Variants in KAZN observed in about 807,000 individuals in gnomAD.
KAZN encodes kazrin, periplakin interacting protein.
In KAZN, 40 loss-of-function variants were observed where a neutral mutation model predicts 87.4. That is an observed-to-expected ratio of 0.46 (90% CI 0.36 to 0.60). KAZN has a LOEUF of 0.60. Ranked by LOEUF, KAZN falls within the 20% of genes least tolerant of loss-of-function variation. The pLI is 0.00. For synonymous variants in KAZN, 466 were observed against 458.3 expected, an observed-to-expected ratio of 1.02 and a Z score of -0.22; for missense variants, 898 against 1,073.9, an observed-to-expected ratio of 0.84 and a Z score of 2.29.
intron 2 of KAZN, among the ~76,000 whole-genome samples, chr1:14,969,789 T>C (rs548590889): frequency 6.6e-6 from 1 of 152,336 alleles, no homozygotes; most frequent in South Asian, 2.1e-4. Context: ...CATGCCCTAA[T>C]GCACAAGTAC....
intron 2 of KAZN, among the ~76,000 whole-genome samples, chr1:14,986,328 A>T (rs150610213): frequency 1.4e-4 from 21 of 152,260 alleles, no homozygotes; most frequent in African/African-American, 4.8e-4. Flanking sequence ...CTGGCAGTTT[A>T]ACAGCCTCGC....
intron 1 of KAZN, chr1:14,924,546 G>C: frequency 9.9e-7 from 1 of 1,011,922 alleles, no homozygotes; most frequent in Non-Finnish European, 1.2e-6. Flanking sequence ...CCCCGGGTCC[G>C]AGCGGATGGC....
chr1:15,044,231 C>A, intron 4 of KAZN, 72 bp downstream of exon 4: 2 of 1,291,674 alleles, frequency 1.5e-6, no homozygotes, highest in Non-Finnish European at 2.1e-6. Flanking sequence ...GGACGTCTGG[C>A]ACCGACTCAC....
chr1:14,435,824 T>C (rs3889321), intron 2 of KAZN, among the ~76,000 whole-genome samples: 16,623 of 147,662 alleles, frequency 0.11, 973 homozygotes, highest in African/African-American at 0.15. Context: ...CAGGGCCTAA[T>C]GATATCTTAG....
At chr1:14,727,971 A>G (rs1325809252) in intron 1 of KAZN, among the ~76,000 whole-genome samples, 1 of 151,832 alleles carries the variant, frequency 6.6e-6, no homozygotes, top group East Asian at 2.0e-4. Context: ...GCAGTTCGCA[A>G]TAGGGTTTGC....
intron 1 of KAZN, among the ~76,000 whole-genome samples, chr1:14,015,736 A>C (rs2014942): frequency 0.92 from 137,927 of 150,400 alleles, 63,540 homozygotes; most frequent in Non-Finnish European, 0.96. Flanking sequence ...TGTGGTGAAA[A>C]CCTGTCTCTA....
intron 2 of KAZN, among the ~76,000 whole-genome samples, chr1:14,410,198 G>A (rs1419335166): frequency 6.6e-6 from 1 of 152,142 alleles, no homozygotes; most frequent in Non-Finnish European, 1.5e-5. Flanking sequence ...CCGACTACCG[G>A]GTTCAAACAA....
chr1:14,417,763 A>G (rs1275993438), intron 2 of KAZN, among the ~76,000 whole-genome samples: 3 of 151,884 alleles, frequency 2.0e-5, no homozygotes, highest in Non-Finnish European at 4.4e-5. Context: ...TTGGGAGGCC[A>G]AAGCAGGCAG....
intron 1 of KAZN, among the ~76,000 whole-genome samples, chr1:14,830,960 T>A (rs1277551883): frequency 6.6e-6 from 1 of 152,234 alleles, no homozygotes; most frequent in East Asian, 1.9e-4. Context: ...AGGATGTGCC[T>A]GTTCCCCCAG....
chr1:14,932,269 C>A (rs552069883), intron 1 of KAZN, among the ~76,000 whole-genome samples: 2 of 152,186 alleles, frequency 1.3e-5, no homozygotes, highest in Admixed American at 1.3e-4. Context: ...TCCCCTGCCC[C>A]GGGTCCCTTT....
Position 15,083,664 on chromosome 1 carries a change from C to T in KAZN, c.1223-10516C>T, listed in dbSNP as rs140231598. On this transcript the variant is annotated intron_variant, in intron 8 of 14. Coordinates refer to ENST00000376030, the MANE Select transcript of KAZN (RefSeq NM_201628.3). ...CCTTTGGATCCCATCAAGTCTGTCT[C>T]GGTGCTTAGGCCTGTCTCTCTGTCT... is the stretch of plus-strand genomic sequence containing the variant. 3.3e-3 allele frequency among the ~76,000 whole-genome samples: 498 copies of T among 152,156 alleles called. 1 individual carries two copies. Among genetic ancestry groups the T allele is most frequent in the African/African-American group, 9.7e-3 (404 of 41,512 alleles).
chr1:14,835,797 G>A (rs1172119100), intron 1 of KAZN, among the ~76,000 whole-genome samples: 2 of 151,912 alleles, frequency 1.3e-5, no homozygotes, highest in Admixed American at 6.6e-5. Flanking sequence ...TCCTATCCGG[G>A]AAACACCTCC....
chr1:14,837,250 G>A (rs930262192), intron 1 of KAZN, among the ~76,000 whole-genome samples: 7 of 152,176 alleles, frequency 4.6e-5, no homozygotes, highest in Admixed American at 1.3e-4. Flanking sequence ...CCAGGCTGGA[G>A]TGCAATAGTG....
chr1:14,130,331 C>T (rs964644337), intron 1 of KAZN, among the ~76,000 whole-genome samples: 1 of 152,150 alleles, frequency 6.6e-6, no homozygotes, highest in African/African-American at 2.4e-5. Flanking sequence ...GCTAACCATG[C>T]CAGGCAGCTC....
In KAZN at chr1:14,249,967, C is replaced by A. The variant is rs1408241262; in HGVS notation, c.249+69375C>A. Reference sequence around the variant, plus strand: ...ACTACTCGGGCTTCCTAGAACTATCCCTTTTACAGGTTTAATTAACCCCAA... The same window carrying A: ...ACTACTCGGGCTTCCTAGAACTATCACTTTTACAGGTTTAATTAACCCCAA... On this transcript the variant is annotated intron_variant, in intron 2 of 16. Transcript: ENST00000636203. Among the ~76,000 whole-genome samples, 3 of 152,070 alleles carry A rather than the reference C, an allele frequency of 2.0e-5. No individual in the cohort carries two copies. In the East Asian group the frequency reaches 5.8e-4, roughly 29 times the overall value.
chr1:14,543,200 C>T (rs899617023), intron 2 of KAZN, among the ~76,000 whole-genome samples: 4 of 152,194 alleles, frequency 2.6e-5, no homozygotes, highest in African/African-American at 9.6e-5. Flanking sequence ...TGTGACTCAA[C>T]ATATAATCTA....
intron 1 of KAZN, among the ~76,000 whole-genome samples, chr1:13,963,069 G>A (rs566555529): frequency 2.4e-4 from 36 of 152,232 alleles, no homozygotes; most frequent in African/African-American, 7.9e-4. Flanking sequence ...CTTTATCTTG[G>A]TGTCAACAAG....
At chr1:15,089,113 C>A (rs1386167988) in intron 8 of KAZN, among the ~76,000 whole-genome samples, 1 of 152,068 alleles carries the variant, frequency 6.6e-6, no homozygotes. Flanking sequence ...AATTTACTTT[C>A]GCATCTTTAT....
At position 14,337,723 on chromosome 1, in the gene KAZN, G is replaced by A. The variant is rs373333974; in HGVS notation, c.249+157131G>A. 1.3e-4 allele frequency among the ~76,000 whole-genome samples: 20 copies of A among 151,910 alleles called. No homozygotes were observed. In the South Asian group the frequency reaches 2.3e-3, roughly 17 times the overall value. ...AGCCTGGCCAGCATGGCAAAACACC[G>A]TCTCTACTAAAAATACAAAAATTAA... On this transcript the variant is annotated intron_variant, in intron 2 of 16. Coordinates refer to the KAZN transcript ENST00000636203.
Sources: gnomAD v4.1 joint callset for allele counts (sites outside exome capture counted in the v4.1 genomes callset) on GRCh38, gnomAD v4.1.1 for gene constraint, MANE v1.5 for transcripts, NCBI Gene and HGNC (gene_info 2026-07-23, HGNC 2026-07-21) for gene names.